The following FRY variants were observed in gnomAD, a reference collection of about 807,000 sequenced individuals.
FRY encodes FRY microtubule binding protein.
FRY carries 128 observed loss-of-function variants against 348.4 expected under a neutral mutation model. The ratio of observed to expected loss-of-function variants is 0.37; its 90% CI spans 0.32 to 0.43. The LOEUF (loss-of-function observed/expected upper bound fraction) is 0.43, where lower values mean the gene tolerates loss of function less well. Ranked by LOEUF, FRY falls within the 20% of genes least tolerant of loss-of-function variation. The probability of loss-of-function intolerance (pLI) is 1.00; values close to 1 mark genes in which losing one functional copy is unlikely to be tolerated. For synonymous variants in FRY, 1,370 were observed against 1,374.7 expected (o/e 1.00, Z 0.08); for missense variants, 2,736 against 3,695.2 (o/e 0.74, Z 6.73).
At chr13:32,117,598 T>A (rs1350448209) in intron 4 of FRY, 125 bp downstream of exon 4, 1 of 939,890 alleles carries the variant, frequency 1.1e-6, no homozygotes, top group East Asian at 2.6e-5. Flanking sequence ...TAGCAGGTGC[T>A]GCAGGGGCCC....
At position 32,102,001 on chromosome 13, in the gene FRY, C is replaced by T. The variant is rs200763285; in HGVS notation, c.309C>T (p.Asp103=). ...PLTKSLQRGE[D]PQFDQVISSM... Reference sequence around the variant, plus strand: ...CAAAATCTCTGCAACGTGGAGAAGACCCCCAATTTGATCAGGTATGTGATA... The same window carrying T: ...CAAAATCTCTGCAACGTGGAGAAGATCCCCAATTTGATCAGGTATGTGATA... Residue 103 remains aspartate, a synonymous_variant, in exon 3 of 61, where the codon GAC becomes GAT. Coordinates refer to ENST00000542859, the MANE Select transcript of FRY (RefSeq NM_023037.3). 49 of 1,546,756 alleles carry T rather than the reference C, an allele frequency of 3.2e-5. No homozygotes were observed. Among genetic ancestry groups the T allele is most frequent in the Non-Finnish European group, 4.2e-5 (47 of 1,118,850 alleles).
At chr13:32,276,629 C>G in intron 57 of FRY, 67 bp downstream of exon 57, 2 of 835,450 alleles carry the variant, frequency 2.4e-6, no homozygotes, top group Non-Finnish European at 4.3e-6. Flanking sequence ...ACTCTGAGTT[C>G]TTGGGCGGGG....
chr13:32,136,786 G>A, intron 10 of FRY, 85 bp from the exon 11 acceptor site: 1 of 861,752 alleles, frequency 1.2e-6, no homozygotes, highest in East Asian at 2.4e-5. Context: ...CGAGGGAGAT[G>A]GCAAGGTAGT....
chr13:32,187,663 A>G lies in FRY; in HGVS notation c.3591+7A>G, dbSNP rs1883100394. The G allele has an allele frequency of 7.1e-7, 1 of 1,399,534 alleles. No individual in the cohort carries two copies. Among genetic ancestry groups the G allele is most frequent in the Non-Finnish European group, 1.0e-6 (1 of 984,092 alleles). The allele number at this position is 1,399,534 out of a possible 1,614,324, so 86.7% of individuals were successfully genotyped here. A position where few individuals can be genotyped will look rare whatever the true frequency, so the allele number is the denominator to read the frequency against. ...GGCTTGTCAAGATTTACGAGTAAGT[A>G]TAGGCAAAAATACATTGTTTTTGAA... On this transcript the variant is annotated splice_region_variant and intron_variant, in intron 28 of 60. Transcript: ENST00000542859.
At chr13:32,280,385 G>A (rs1298299162) in intron 58 of FRY, among the ~76,000 whole-genome samples, 4 of 152,140 alleles carry the variant, frequency 2.6e-5, no homozygotes, top group Non-Finnish European at 5.9e-5. Context: ...CAGATGATTT[G>A]TGACTTAGAT....
At chr13:32,051,870 T>C (rs1873349869) in intron 1 of FRY, among the ~76,000 whole-genome samples, 1 of 152,174 alleles carries the variant, frequency 6.6e-6, no homozygotes, top group Non-Finnish European at 1.5e-5. Context: ...CACAAGACAA[T>C]GTGTGATCAA....
chr13:32,214,197 C>T (rs911284815), intron 35 of FRY, among the ~76,000 whole-genome samples: 1 of 152,182 alleles, frequency 6.6e-6, no homozygotes. Flanking sequence ...AGCCTAAAAT[C>T]CTTTTTTCTC....
At chr13:32,053,662 T>G (rs1379321926) in intron 1 of FRY, among the ~76,000 whole-genome samples, 1 of 152,246 alleles carries the variant, frequency 6.6e-6, no homozygotes, top group Non-Finnish European at 1.5e-5. Context: ...TGATGCACTT[T>G]GGACACTTAA....
intron 50 of FRY, among the ~76,000 whole-genome samples, chr13:32,252,826 C>A (rs1887151930): frequency 6.6e-6 from 1 of 152,240 alleles, no homozygotes; most frequent in East Asian, 1.9e-4. Context: ...AGCCAGCCAT[C>A]AGCTAAGCTG....
rs186673989 is a variant in FRY, at chr13:32,227,804, C to T, written c.5207-652C>T. On this transcript the variant is annotated intron_variant, in intron 39 of 60. Transcript: ENST00000542859. The stretch of plus-strand genomic sequence containing the variant: ...TCTCACTCTGTCTCCCAGGCTGGAG[C>T]GCAGCGGCGCGATCTCAGCTCACTG... 3.2e-3 allele frequency among the ~76,000 whole-genome samples: 472 copies of T among 146,272 alleles called. 10 individuals carry two copies. The East Asian group carries it at 0.05, about 16-fold the overall frequency.
In FRY at chr13:32,254,405, T is replaced by C. The variant is rs1887233179; in HGVS notation, c.7416+11T>C. On this transcript the variant is annotated intron_variant, in intron 51 of 60. Coordinates refer to ENST00000542859, the MANE Select transcript of FRY (RefSeq NM_023037.3). ...CTGGAGGATGGAGAGGTACGGTGTA[T>C]TCTCTGTAAAAATAATCCCCGCACC... 1 of 1,612,064 alleles carries C rather than the reference T, an allele frequency of 6.2e-7. No individual in the cohort carries two copies. Among genetic ancestry groups the C allele is most frequent in the South Asian group, 1.1e-5 (1 of 91,054 alleles).
chr13:32,090,590 C>T (rs753397223), intron 2 of FRY, among the ~76,000 whole-genome samples: 7 of 152,090 alleles, frequency 4.6e-5, no homozygotes, highest in Non-Finnish European at 7.4e-5. Context: ...GTGAACATAA[C>T]ATGCACAGTT....
At chr13:32,243,573 A>T (rs1198459310) in intron 46 of FRY, among the ~76,000 whole-genome samples, 1 of 152,194 alleles carries the variant, frequency 6.6e-6, no homozygotes, top group East Asian at 1.9e-4. Context: ...AATACTGAGT[A>T]TTATCAATTT....
chr13:32,124,045 CCAAGCTGTTCT>C (rs1306916233), intron 4 of FRY, among the ~76,000 whole-genome samples: 1 of 152,124 alleles, frequency 6.6e-6, no homozygotes. Context: ...ACCATGTGGG[CCAAGCTGTTCT>C]CAAACTCCTG....
chr13:32,143,119 G>C (rs1880183207), intron 11 of FRY, among the ~76,000 whole-genome samples: 1 of 152,188 alleles, frequency 6.6e-6, no homozygotes, highest in African/African-American at 2.4e-5. Flanking sequence ...GTACAAGGGA[G>C]CCAGGTCACA....
chr13:32,261,165 G>T (rs908278475), intron 51 of FRY, among the ~76,000 whole-genome samples: 9 of 152,188 alleles, frequency 5.9e-5, no homozygotes, highest in African/African-American at 2.2e-4. Flanking sequence ...ATACCCAAAG[G>T]ATTCTGGAAT....
Position 32,231,295 on chromosome 13 carries a change from A to G in FRY, c.5522A>G (p.Lys1841Arg). ...GTTGTATCTGTATTTAAAGATTCCA[A>G]ATCAGGTACTTCATCTTATTTGCAC... ...RHVVSVFKDS[K>R]SGFHLEHQLS... Residue 1841 changes from lysine to arginine, a missense_variant, in exon 41 of 61, where the codon AAA becomes AGA. This residue lies in a region of FRY where 794 missense variants were observed against 977.0 expected (regional missense o/e 0.81). Transcript: ENST00000542859. 4 of 1,613,424 alleles carry G rather than the reference A, an allele frequency of 2.5e-6. No homozygotes were observed. Among genetic ancestry groups the G allele is most frequent in the Non-Finnish European group, 3.4e-6 (4 of 1,179,454 alleles).
intron 1 of FRY, among the ~76,000 whole-genome samples, chr13:32,045,323 C>T (rs1241133850): frequency 2.6e-5 from 4 of 152,210 alleles, no homozygotes; most frequent in Non-Finnish European, 4.4e-5. Flanking sequence ...ATCTTCGTCA[C>T]CATCACCTCT....
chr13:32,161,893 A>G (rs1881462463), intron 17 of FRY, among the ~76,000 whole-genome samples: 1 of 152,222 alleles, frequency 6.6e-6, no homozygotes, highest in African/African-American at 2.4e-5. Context: ...ATTATAATTT[A>G]GTAAGCTTAG....
Sources: allele counts gnomAD v4.1 joint callset (sites outside exome capture counted in the v4.1 genomes callset), GRCh38; gene constraint gnomAD v4.1.1; regional missense constraint gnomAD v4.1.1; transcripts MANE v1.5; gene names NCBI Gene and HGNC (gene_info 2026-07-23, HGNC 2026-07-21).